The following NEDD4L variants were observed in gnomAD, a reference collection of about 807,000 sequenced individuals.
The protein encoded by NEDD4L is NEDD4 like E3 ubiquitin protein ligase.
Under a neutral mutation model 148.9 loss-of-function variants are expected in NEDD4L, and 54 were observed. The ratio of observed to expected loss-of-function variants is 0.36; its 90% CI spans 0.29 to 0.45. NEDD4L has a LOEUF of 0.45. Ranked by LOEUF, NEDD4L falls within the 20% of genes least tolerant of loss-of-function variation. The pLI is 1.00. For synonymous variants in NEDD4L, 433 were observed against 440.7 expected, an observed-to-expected ratio of 0.98 and a Z score of 0.22; for missense variants, 856 against 1,233.8, an observed-to-expected ratio of 0.69 and a Z score of 4.59.
At chr18:58,300,399 C>T (rs1476171819) in intron 5 of NEDD4L, among the ~76,000 whole-genome samples, 1 of 152,198 alleles carries the variant, frequency 6.6e-6, no homozygotes, top group East Asian at 1.9e-4. Context: ...ATAGTACCTT[C>T]CATCTAGTGC....
intron 25 of NEDD4L, among the ~76,000 whole-genome samples, chr18:58,385,264 A>T (rs576579823): frequency 6.6e-6 from 1 of 152,366 alleles, no homozygotes; most frequent in South Asian, 2.1e-4. Flanking sequence ...TTAAGCATTT[A>T]AAGCAGTTTA....
At chr18:58,142,192 A>T (rs529514322) in intron 1 of NEDD4L, among the ~76,000 whole-genome samples, 5 of 142,278 alleles carry the variant, frequency 3.5e-5, no homozygotes, top group Non-Finnish European at 1.5e-5. Flanking sequence ...GACTACAGGC[A>T]CCCGCCACCA....
At chr18:58,311,359 A>T (rs1160347655) in intron 5 of NEDD4L, among the ~76,000 whole-genome samples, 5 of 152,232 alleles carry the variant, frequency 3.3e-5, no homozygotes, top group African/African-American at 1.2e-4. Context: ...AGAAATACAC[A>T]TGGGTCATTT....
chr18:58,303,153 T>C (rs964778402), intron 5 of NEDD4L, among the ~76,000 whole-genome samples: 2 of 152,222 alleles, frequency 1.3e-5, no homozygotes, highest in South Asian at 2.1e-4. Context: ...GCACTTGAAT[T>C]GTAGCCCATG....
chr18:58,215,602 T>C (rs2043082815), intron 2 of NEDD4L, among the ~76,000 whole-genome samples: 1 of 152,220 alleles, frequency 6.6e-6, no homozygotes. Context: ...GTCTTTTCTT[T>C]GTTGACTTGG....
intron 5 of NEDD4L, among the ~76,000 whole-genome samples, chr18:58,282,922 A>T (rs2048377471): frequency 6.6e-6 from 1 of 152,098 alleles, no homozygotes; most frequent in Non-Finnish European, 1.5e-5. Context: ...CACAATACAC[A>T]ATCTGTGTCA....
intron 1 of NEDD4L, among the ~76,000 whole-genome samples, chr18:58,165,467 G>GT (rs2036732388): frequency 1.3e-5 from 2 of 152,280 alleles, no homozygotes; most frequent in East Asian, 1.9e-4. Flanking sequence ...TATCTAGATG[G>GT]TTTTTTGTGT....
chr18:58,076,515 G>A (rs1421312936), intron 1 of NEDD4L, among the ~76,000 whole-genome samples: 5 of 152,288 alleles, frequency 3.3e-5, no homozygotes, highest in East Asian at 3.9e-4. Flanking sequence ...GCAAATGGTA[G>A]CAGGACCACG....
At chr18:58,311,806 G>C (rs1398122095) in intron 5 of NEDD4L, among the ~76,000 whole-genome samples, 2 of 152,212 alleles carry the variant, frequency 1.3e-5, no homozygotes, top group Non-Finnish European at 2.9e-5. Flanking sequence ...GTCCACGTCA[G>C]TGCTGACAGA....
chr18:58,080,831 C>T lies in NEDD4L; in HGVS notation c.48+36123C>T, dbSNP rs567221160. Reference sequence around the variant, plus strand: ...AACTGTTATTTCCCTTGATCTTCCTCAAACCCTACCAGGAAGTGAGGGCAA... The same window carrying T: ...AACTGTTATTTCCCTTGATCTTCCTTAAACCCTACCAGGAAGTGAGGGCAA... On this transcript the variant is annotated intron_variant, in intron 1 of 30. Transcript: ENST00000400345. Among the ~76,000 whole-genome samples the T allele has an allele frequency of 3.3e-5, 5 of 152,302 alleles. No individual in the cohort carries two copies. The South Asian group carries it at 1.0e-3, about 32-fold the overall frequency.
In NEDD4L at chr18:58,207,009, A is replaced by G. The variant is rs191478160; in HGVS notation, c.123-38418A>G. The stretch of plus-strand genomic sequence containing the variant: ...TTGTGTCTCCCCTGTTGTCCTTTGC[A>G]TTGTGAAAGTGCATATTAGTTCTCC... On this transcript the variant is annotated intron_variant, in intron 2 of 30. Coordinates refer to ENST00000400345, the MANE Select transcript of NEDD4L (RefSeq NM_001144967.3). Among the ~76,000 whole-genome samples the G allele has an allele frequency of 1.2e-4, 19 of 152,318 alleles. No homozygotes were observed. In the East Asian group the frequency reaches 3.3e-3, roughly 26 times the overall value.
chr18:58,356,656 GC>G (rs2044705376), intron 18 of NEDD4L, among the ~76,000 whole-genome samples: 1 of 152,134 alleles, frequency 6.6e-6, no homozygotes, highest in Non-Finnish European at 1.5e-5. Context: ...TTTTTGGACT[GC>G]CTAAGCTGCT....
In NEDD4L at chr18:58,257,470, C is replaced by T. The variant is rs368382235; in HGVS notation, c.297+5416C>T. 1.8e-4 allele frequency among the ~76,000 whole-genome samples: 27 copies of T among 152,080 alleles called. No homozygotes were observed. In the East Asian group the frequency reaches 4.3e-3, roughly 24 times the overall value. Reference sequence around the variant, plus strand: ...TTTTTAAAGCACATTGGGTTATGGCCCAAGGCTAGGGGAAACTGATGGGGA... The same window carrying T: ...TTTTTAAAGCACATTGGGTTATGGCTCAAGGCTAGGGGAAACTGATGGGGA... On this transcript the variant is annotated intron_variant, in intron 5 of 30. Coordinates refer to ENST00000400345, the MANE Select transcript of NEDD4L (RefSeq NM_001144967.3).
intron 5 of NEDD4L, among the ~76,000 whole-genome samples, chr18:58,314,815 C>G (rs746709300): frequency 1.2e-4 from 19 of 152,262 alleles, no homozygotes; most frequent in Non-Finnish European, 1.3e-4. Flanking sequence ...CTTTCCAGTT[C>G]ATCAAATTTT....
rs186363924 is a variant in NEDD4L at position 58,268,761 on chromosome 18, A to G, written c.297+16707A>G. Among the ~76,000 whole-genome samples, 15 of 152,248 alleles carry G rather than the reference A, an allele frequency of 9.9e-5. 1 individual carries two copies. The highest frequency in any genetic ancestry group is 2.0e-4 in the Admixed American group (3 of 15,302). ...TGCTTTGTAATGAAGTCCTTTGGTCATCGTAAGTGGTCACAGCCAGTTTAT... is the reference window on the plus strand; with the variant it reads ...TGCTTTGTAATGAAGTCCTTTGGTCGTCGTAAGTGGTCACAGCCAGTTTAT... On this transcript the variant is annotated intron_variant, in intron 5 of 30. Transcript: ENST00000400345.
At chr18:58,389,568 G>A (rs536310608) in intron 28 of NEDD4L, 5 of 169,642 alleles carry the variant, frequency 2.9e-5, no homozygotes, top group East Asian at 1.6e-4. Flanking sequence ...TTAAGAAGTC[G>A]TTTTCTCAAT....
intron 1 of NEDD4L, among the ~76,000 whole-genome samples, chr18:58,157,361 C>T (rs1405885404): frequency 6.6e-6 from 1 of 152,092 alleles, no homozygotes; most frequent in Non-Finnish European, 1.5e-5. Flanking sequence ...TTCTCAGTCA[C>T]TTCCATCCCC....
intron 19 of NEDD4L, among the ~76,000 whole-genome samples, chr18:58,357,717 G>A (rs537354168): frequency 6.6e-6 from 1 of 152,312 alleles, no homozygotes; most frequent in South Asian, 2.1e-4. Flanking sequence ...GCAGAGTTAA[G>A]AGTTTGGAAC....
At chr18:58,126,385 CT>C (rs1445504984) in intron 1 of NEDD4L, among the ~76,000 whole-genome samples, 1 of 152,286 alleles carries the variant, frequency 6.6e-6, no homozygotes, top group African/African-American at 2.4e-5. Flanking sequence ...CGGAATCATA[CT>C]AGGGGGTCTT....
Sources: allele counts gnomAD v4.1 joint callset (sites outside exome capture counted in the v4.1 genomes callset), GRCh38; gene constraint gnomAD v4.1.1; transcripts MANE v1.5; gene names NCBI Gene and HGNC (gene_info 2026-07-23, HGNC 2026-07-21).